DUOXA1: variants seen among roughly 807,000 people sequenced by gnomAD.
The protein encoded by DUOXA1 is dual oxidase maturation factor 1, also known as dual oxidase activator 1.
DUOXA1 carries 19 observed loss-of-function variants against 26.6 expected under a neutral mutation model. The observed-to-expected ratio is 0.71, with a 90% CI of 0.50 to 1.05. The LOEUF is 1.05. Among genes scored for constraint, DUOXA1 ranks in the 50% least tolerant of loss-of-function variants. DUOXA1 has a pLI of 0.00. For missense variants in DUOXA1, 403 were observed against 427.5 expected, an observed-to-expected ratio of 0.94 and a Z score of 0.51; for synonymous variants, 166 against 177.0, an observed-to-expected ratio of 0.94 and a Z score of 0.49.
At chr15:45,120,357 A>C in intron 7 of DUOXA1, 37 bp from the exon 8 acceptor site, 3 of 1,611,500 alleles carry the variant, frequency 1.9e-6, no homozygotes, top group Admixed American at 3.3e-5. Context: ...TGGCCCAGGT[A>C]CTTCTACCTG....
At position 45,118,724 on chromosome 15, in the gene DUOXA1, G is replaced by C. The variant is rs969625672; in HGVS notation, c.*382C>G. 8.0e-6 allele frequency: 8 copies of C among 1,005,444 alleles called. No homozygotes were observed. Among genetic ancestry groups the C allele is most frequent in the Admixed American group, 5.9e-5 (1 of 17,078 alleles). 62.3% of individuals were successfully genotyped at this position (1,005,444 alleles called of 1,614,324 possible). A position where few individuals can be genotyped will look rare whatever the true frequency, so the allele number is the denominator to read the frequency against. On this transcript the variant is annotated 3_prime_UTR_variant, in exon 9 of 9. Transcript: ENST00000560572. ...GAAAACAAGAGGTGCCGAGGGATGAGAGGAAACCATAGGAGAATCATATGT... is the reference window on the plus strand; with the variant it reads ...GAAAACAAGAGGTGCCGAGGGATGACAGGAAACCATAGGAGAATCATATGT...
intron 3 of DUOXA1, among the ~76,000 whole-genome samples, chr15:45,128,160 T>C (rs1281196575): frequency 6.6e-6 from 1 of 152,220 alleles, no homozygotes; most frequent in Non-Finnish European, 1.5e-5. Flanking sequence ...CTACCACAGG[T>C]TGAAGTGGAG....
intron 5 of DUOXA1, 27 bp from the exon 6 acceptor site, chr15:45,121,248 G>C (rs1895172606): frequency 6.2e-7 from 1 of 1,613,900 alleles, no homozygotes; most frequent in Non-Finnish European, 8.5e-7. Flanking sequence ...GGACATATGG[G>C]AACTCAGAGA....
At position 45,118,397 on chromosome 15, in the gene DUOXA1, G is replaced by A; in HGVS notation, c.*709C>T. The A allele has an allele frequency of 9.4e-7, 1 of 1,064,666 alleles. No individual in the cohort carries two copies. The highest frequency in any genetic ancestry group is 1.1e-6 in the Non-Finnish European group (1 of 881,206). The allele number at this position is 1,064,666 out of a possible 1,614,324, so 66.0% of individuals were successfully genotyped here. ...TAGCCCAGCTGAGTGGGGTGGGAAG[G>A]AATAGCGTTTTGGAGTTGATTCCCT... On this transcript the variant is annotated 3_prime_UTR_variant, in exon 9 of 9. Coordinates refer to ENST00000560572, the MANE Select transcript of DUOXA1 (RefSeq NM_001276266.2).
rs768304107 is a variant in DUOXA1, at chr15:45,120,846, C to G, written c.341-41G>C. 4.4e-6 allele frequency: 7 copies of G among 1,604,848 alleles called. No homozygotes were observed. In the South Asian group the frequency reaches 5.5e-5, roughly 13 times the overall value. ...GCTCTGCTCAGCAGGAACCCAAGGG[C>G]CAGAGTGGGGCCTAGGTAGGGACTC... On this transcript the variant is annotated intron_variant, in intron 6 of 8. Coordinates refer to ENST00000560572, the MANE Select transcript of DUOXA1 (RefSeq NM_001276266.2).
At chr15:45,128,334 C>T (rs1895848934) in intron 3 of DUOXA1, among the ~76,000 whole-genome samples, 1 of 152,168 alleles carries the variant, frequency 6.6e-6, no homozygotes, top group African/African-American at 2.4e-5. Flanking sequence ...TCCCCCTTGC[C>T]CACCTCCCCC....
At chr15:45,122,692 C>T (rs1010974927) in intron 4 of DUOXA1, among the ~76,000 whole-genome samples, 176 bp downstream of exon 4, 6 of 152,164 alleles carry the variant, frequency 3.9e-5, no homozygotes, top group South Asian at 2.1e-4. Context: ...GCCCCACCAG[C>T]GCTCAATAGT....
At position 45,118,331 on chromosome 15, in the gene DUOXA1, G is replaced by A. The variant is rs375788832; in HGVS notation, c.*775C>T. ...CAGGGGGACGTTAGGTGGCAGTGAT[G>A]AGGCAGGTCACCCACTCCCCCGTCC... On this transcript the variant is annotated 3_prime_UTR_variant, in exon 9 of 9. Transcript: ENST00000560572. The A allele has an allele frequency of 3.4e-5, 41 of 1,205,458 alleles. No homozygotes were observed. The highest frequency in any genetic ancestry group is 2.7e-4 in the East Asian group (7 of 26,264). 74.7% of individuals were successfully genotyped at this position (1,205,458 alleles called of 1,614,324 possible). A position where few individuals can be genotyped will look rare whatever the true frequency, so the allele number is the denominator to read the frequency against.
Position 45,118,306 on chromosome 15 carries a change from C to CA in DUOXA1, c.*799dup, listed in dbSNP as rs1308547354. The CA allele has an allele frequency of 3.2e-6, 4 of 1,269,006 alleles. No homozygotes were observed. In the African/African-American group the frequency reaches 6.1e-5, roughly 19 times the overall value. The allele number at this position is 1,269,006 out of a possible 1,614,324, so 78.6% of individuals were successfully genotyped here. A position where few individuals can be genotyped will look rare whatever the true frequency, so the allele number is the denominator to read the frequency against. On this transcript the variant is annotated 3_prime_UTR_variant, in exon 9 of 9. Coordinates refer to ENST00000560572, the MANE Select transcript of DUOXA1 (RefSeq NM_001276266.2). ...GAGCTAGCATCTTTCTGAACCACCC[C>CA]AGGGGGACGTTAGGTGGCAGTGATG...
Position 45,129,097 on chromosome 15 carries a change from C to CG in DUOXA1, c.-110dup, listed in dbSNP as rs1208067832. 1 of 152,266 alleles carries CG rather than the reference C, an allele frequency of 6.6e-6. No individual in the cohort carries two copies. Among genetic ancestry groups the CG allele is most frequent in the South Asian group, 2.1e-4 (1 of 4,828 alleles). The allele number at this position is 152,266 out of a possible 1,614,324, so 9.4% of individuals were successfully genotyped here. A position where few individuals can be genotyped will look rare whatever the true frequency, so the allele number is the denominator to read the frequency against. ...CGTGGAACCTCACACGAAGCGCCCC[C>CG]GGGGGTGTGATTAAAGAGGGAACCA... On this transcript the variant is annotated 5_prime_UTR_variant, in exon 3 of 9. Coordinates refer to ENST00000560572, the MANE Select transcript of DUOXA1 (RefSeq NM_001276266.2). The surrounding 1 kb of genome is among the most constrained non-coding windows in gnomAD (Gnocchi z 4.1).
chr15:45,119,432 G>A, intron 8 of DUOXA1, 67 bp from the exon 9 acceptor site: 1 of 1,507,934 alleles, frequency 6.6e-7, no homozygotes, highest in Non-Finnish European at 8.9e-7. Context: ...ATCTTCCCCT[G>A]GGAGTGTCAG....
In DUOXA1 at chr15:45,117,743, C is replaced by T. The variant is rs910431511; in HGVS notation, c.*1363G>A. The T allele has an allele frequency of 5.0e-6, 8 of 1,612,922 alleles. No individual in the cohort carries two copies. Among genetic ancestry groups the T allele is most frequent in the Middle Eastern group, 1.6e-4 (1 of 6,082 alleles). ...GTCCTGTGCCTCTTCCTCGGAGGGG[C>T]CGTGGTGAGTCTCCAGTATGTTCGG... On this transcript the variant is annotated 3_prime_UTR_variant, in exon 9 of 9. Coordinates refer to ENST00000560572, the MANE Select transcript of DUOXA1 (RefSeq NM_001276266.2).
At chr15:45,122,547 T>C (rs986448993) in intron 4 of DUOXA1, among the ~76,000 whole-genome samples, 2 of 131,244 alleles carry the variant, frequency 1.5e-5, no homozygotes, top group African/African-American at 5.2e-5. Context: ...ATGCACACCA[T>C]GATGCCCAGC....
Position 45,118,876 on chromosome 15 carries a change from T to C in DUOXA1, c.*230A>G. The C allele has an allele frequency of 8.0e-7, 1 of 1,250,710 alleles. No homozygotes were observed. The highest frequency in any genetic ancestry group is 1.0e-6 in the Non-Finnish European group (1 of 996,994). 77.5% of individuals were successfully genotyped at this position (1,250,710 alleles called of 1,614,324 possible). ...AGCTAGCCCCTGCTTGGCCTTATCA[T>C]GGCAACAGGCTTTATGGACAGGCCC... On this transcript the variant is annotated 3_prime_UTR_variant, in exon 9 of 9. Coordinates refer to ENST00000560572, the MANE Select transcript of DUOXA1 (RefSeq NM_001276266.2).
intron 5 of DUOXA1, among the ~76,000 whole-genome samples, chr15:45,121,943 G>A (rs60043437): frequency 0.023 from 3,468 of 152,204 alleles, 68 homozygotes; most frequent in East Asian, 0.059. Context: ...CCTTTCCCCC[G>A]AATAAAAGTG....
At chr15:45,123,127 G>T (rs1349865596) in intron 3 of DUOXA1, 84 bp from the exon 4 acceptor site, 1 of 1,330,096 alleles carries the variant, frequency 7.5e-7, no homozygotes, top group Non-Finnish European at 9.9e-7. Context: ...CACAGAATGA[G>T]CCAGACTAGG....
intron 3 of DUOXA1, among the ~76,000 whole-genome samples, chr15:45,128,186 G>A (rs1595565106): frequency 6.6e-6 from 1 of 152,208 alleles, no homozygotes; most frequent in African/African-American, 2.4e-5. Flanking sequence ...ATGTGTGTAT[G>A]AGAGGTGGGT....
At position 45,120,236 on chromosome 15, in the gene DUOXA1, C is replaced by G. The variant is rs768214542; in HGVS notation, c.639G>C (p.Thr213=). The change falls in exon 8 of 9, where the codon ACG becomes ACC. Residue 213 remains threonine (T), a synonymous_variant. Coordinates refer to ENST00000560572, the MANE Select transcript of DUOXA1 (RefSeq NM_001276266.2). ...LVYGGYMLLA[T]GIFQLLALLF... ...GCAGAGCCAACAGCTGGAAGATGCCCGTGGCCAATAGCATGTAGCCACCAT... is the reference window on the plus strand; with the variant it reads ...GCAGAGCCAACAGCTGGAAGATGCCGGTGGCCAATAGCATGTAGCCACCAT... 1 of 1,614,086 alleles carries G rather than the reference C, an allele frequency of 6.2e-7. No homozygotes were observed. The highest frequency in any genetic ancestry group is 8.5e-7 in the Non-Finnish European group (1 of 1,179,992).
In DUOXA1 at chr15:45,118,899, C is replaced by G. The variant is rs1894868950; in HGVS notation, c.*207G>C. On this transcript the variant is annotated 3_prime_UTR_variant, in exon 9 of 9. Coordinates refer to ENST00000560572, the MANE Select transcript of DUOXA1 (RefSeq NM_001276266.2). ...CATGGCAACAGGCTTTATGGACAGGCCCAGCATCTCTTCAGTCCCTTAGGG... is the reference window on the plus strand; with the variant it reads ...CATGGCAACAGGCTTTATGGACAGGGCCAGCATCTCTTCAGTCCCTTAGGG... 7.7e-7 allele frequency: 1 copy of G among 1,292,920 alleles called. No individual in the cohort carries two copies. The highest frequency in any genetic ancestry group is 1.5e-5 in the African/African-American group (1 of 66,574). The allele number at this position is 1,292,920 out of a possible 1,614,324, so 80.1% of individuals were successfully genotyped here.
Sources: allele counts gnomAD v4.1 joint callset (sites outside exome capture counted in the v4.1 genomes callset), GRCh38; gene constraint gnomAD v4.1.1; non-coding constraint Gnocchi (gnomAD v3.1); transcripts MANE v1.5; gene names NCBI Gene and HGNC (gene_info 2026-07-23, HGNC 2026-07-21).